The following EVL variants were observed in gnomAD, a reference collection of about 807,000 sequenced individuals.
EVL encodes Enah/Vasp-like, also known as ena/VASP-like protein.
In EVL, 21 loss-of-function variants were observed where a neutral mutation model predicts 59.6. That is an observed-to-expected ratio of 0.35 (90% CI 0.25 to 0.51). The LOEUF (loss-of-function observed/expected upper bound fraction) is 0.51, where lower values mean the gene tolerates loss of function less well. Among genes scored for constraint, EVL ranks in the 20% least tolerant of loss-of-function variants. The probability of loss-of-function intolerance (pLI) is 0.97; values close to 1 mark genes in which losing one functional copy is unlikely to be tolerated. For missense variants in EVL, 462 were observed against 546.6 expected, an observed-to-expected ratio of 0.85 and a Z score of 1.54; for synonymous variants, 198 against 203.5, an observed-to-expected ratio of 0.97 and a Z score of 0.23.
chr14:100,051,534 A>G (rs1268373396), intron 1 of EVL, among the ~76,000 whole-genome samples: 1 of 152,104 alleles, frequency 6.6e-6, no homozygotes, highest in African/African-American at 2.4e-5. Flanking sequence ...TAACAGCATT[A>G]TAACTTTTCC....
At chr14:100,133,104 G>A (rs1239440700) in intron 8 of EVL, among the ~76,000 whole-genome samples, 5 of 152,236 alleles carry the variant, frequency 3.3e-5, no homozygotes, top group African/African-American at 9.6e-5. Context: ...GTCTCGGCGG[G>A]ACTGGGACTC....
At chr14:100,035,297 T>G (rs189451376) in intron 1 of EVL, among the ~76,000 whole-genome samples, 172 of 152,152 alleles carry the variant, frequency 1.1e-3, no homozygotes, top group Admixed American at 1.6e-3. Context: ...ACAAATGTTT[T>G]GCATAGTTCC....
intron 1 of EVL, among the ~76,000 whole-genome samples, chr14:100,025,980 G>T (rs756948225): frequency 7.2e-5 from 11 of 152,114 alleles, no homozygotes; most frequent in Non-Finnish European, 1.6e-4. Context: ...GTGGGGCACA[G>T]TGGCTCACGC....
At chr14:100,126,596 C>T (rs573008799) in intron 4 of EVL, 111 bp from the exon 5 acceptor site, 382 of 1,114,680 alleles carry the variant, frequency 3.4e-4, no homozygotes, top group Non-Finnish European at 4.6e-4. Context: ...GCTTGTGGAG[C>T]GCTGGCGAAA....
chr14:100,031,258 T>G (rs746519650), intron 1 of EVL, among the ~76,000 whole-genome samples: 1 of 152,200 alleles, frequency 6.6e-6, no homozygotes, highest in Non-Finnish European at 1.5e-5. Flanking sequence ...ACATGTGCAC[T>G]GTTTAAAGTT....
At chr14:99,990,759 C>A (rs993293112) in intron 1 of EVL, among the ~76,000 whole-genome samples, 7 of 152,078 alleles carry the variant, frequency 4.6e-5, no homozygotes, top group Non-Finnish European at 2.9e-5. Flanking sequence ...ATTCATTCGT[C>A]AGTGGAATTT....
chr14:100,101,374 G>A (rs1003032919), intron 3 of EVL, among the ~76,000 whole-genome samples: 1 of 152,180 alleles, frequency 6.6e-6, no homozygotes, highest in African/African-American at 2.4e-5. Flanking sequence ...CCAGTTACTC[G>A]GGAGGCTGAG....
intron 2 of EVL, among the ~76,000 whole-genome samples, chr14:100,086,233 C>T (rs1296434387): frequency 6.6e-6 from 1 of 152,218 alleles, no homozygotes; most frequent in East Asian, 1.9e-4. Context: ...TAGAAACCTT[C>T]TAGAAGCTGC....
At chr14:100,141,947 A>G (rs748246509) in intron 13 of EVL, 154 bp downstream of exon 13, 13 of 590,244 alleles carry the variant, frequency 2.2e-5, no homozygotes, top group Non-Finnish European at 3.6e-5. Context: ...TAGTTGAGGA[A>G]ACAGGCTCAG....
chr14:100,129,832 C>G, intron 7 of EVL, 148 bp downstream of exon 7: 1 of 1,249,896 alleles, frequency 8.0e-7, no homozygotes, highest in Non-Finnish European at 1.1e-6. Context: ...TTAAGTTTTC[C>G]CTTCCCAAGG....
At chr14:100,036,173 C>T (rs927071027) in intron 1 of EVL, among the ~76,000 whole-genome samples, 3 of 152,182 alleles carry the variant, frequency 2.0e-5, no homozygotes, top group East Asian at 1.9e-4. Flanking sequence ...CCAGGCTGTG[C>T]TCTTCTTATG....
chr14:100,095,070 G>A (rs557955161), intron 2 of EVL, among the ~76,000 whole-genome samples: 2 of 152,152 alleles, frequency 1.3e-5, no homozygotes, highest in South Asian at 2.1e-4. Flanking sequence ...AACAAAAACG[G>A]TACTAAAAAT....
intron 1 of EVL, among the ~76,000 whole-genome samples, chr14:99,997,377 C>T (rs2060920658): frequency 6.6e-6 from 1 of 152,242 alleles, no homozygotes; most frequent in Non-Finnish European, 1.5e-5. Context: ...AGGCAACCAT[C>T]CTGTACGTAT....
At chr14:100,107,523 C>G (rs530655984) in intron 3 of EVL, 7 of 386,308 alleles carry the variant, frequency 1.8e-5, no homozygotes, top group Admixed American at 4.5e-5. Context: ...CCACGCCCAA[C>G]GTTCCTCCAC....
chr14:100,141,981 G>C (rs1218372735), intron 13 of EVL, 188 bp downstream of exon 13: 1 of 505,398 alleles, frequency 2.0e-6, no homozygotes, highest in Non-Finnish European at 3.5e-6. Context: ...TAAGTGGCTT[G>C]CCTAAGAATT....
chr14:100,005,242 C>G (rs2060971076), intron 1 of EVL, among the ~76,000 whole-genome samples: 1 of 152,192 alleles, frequency 6.6e-6, no homozygotes, highest in Non-Finnish European at 1.5e-5. Context: ...AGTCCTTTCT[C>G]TAAACAAACC....
chr14:100,074,002 C>CGGGGGGGGGGG (rs1555420714), intron 1 of EVL, among the ~76,000 whole-genome samples: 13 of 88,260 alleles, frequency 1.5e-4, no homozygotes, highest in African/African-American at 4.5e-4. Context: ...GAGTCACCCC[C>CGGGGGGGGGGG]GGGGGCGGTG....
intron 1 of EVL, among the ~76,000 whole-genome samples, chr14:100,009,834 G>A (rs2061005153): frequency 6.6e-6 from 1 of 152,152 alleles, no homozygotes; most frequent in South Asian, 2.1e-4. Context: ...TGATTCAGAA[G>A]GCAGGACAAC....
intron 1 of EVL, among the ~76,000 whole-genome samples, chr14:100,017,099 A>G (rs988227967): frequency 6.6e-6 from 1 of 152,218 alleles, no homozygotes; most frequent in Non-Finnish European, 1.5e-5. Context: ...TTATAGCTGT[A>G]TGACCCTGGA....
Sources: gnomAD v4.1 joint callset for allele counts (sites outside exome capture counted in the v4.1 genomes callset) on GRCh38, gnomAD v4.1.1 for gene constraint, MANE v1.5 for transcripts, NCBI Gene and HGNC (gene_info 2026-07-23, HGNC 2026-07-21) for gene names.